KCNIP4: variants seen among roughly 807,000 people sequenced by gnomAD.
The protein encoded by KCNIP4 is Kv channel-interacting protein 4.
Under a neutral mutation model 34.0 loss-of-function variants are expected in KCNIP4, and 12 were observed. The observed-to-expected ratio is 0.35, with a 90% CI of 0.23 to 0.57. The LOEUF (loss-of-function observed/expected upper bound fraction) is 0.57, where lower values mean the gene tolerates loss of function less well. Among genes scored for constraint, KCNIP4 ranks in the 20% least tolerant of loss-of-function variants. The pLI, the probability that KCNIP4 is intolerant of heterozygous loss-of-function variation, is 0.83. For missense variants in KCNIP4, 238 were observed against 311.7 expected (o/e 0.76, Z 1.78); for synonymous variants, 124 against 102.2 (o/e 1.21, Z -1.29).
intron 1 of KCNIP4, among the ~76,000 whole-genome samples, chr4:21,683,255 A>G (rs990245688): frequency 1.4e-4 from 22 of 152,052 alleles, no homozygotes; most frequent in African/African-American, 5.1e-4. Flanking sequence ...AAATTATTAC[A>G]ATAAAAACAC....
intron 1 of KCNIP4, among the ~76,000 whole-genome samples, chr4:21,066,940 A>C (rs1744452037): frequency 6.6e-6 from 1 of 152,120 alleles, no homozygotes; most frequent in African/African-American, 2.4e-5. Flanking sequence ...GGATGCTTGC[A>C]CCAACCCTCC....
At chr4:21,217,087 T>C (rs1757641169) in intron 1 of KCNIP4, among the ~76,000 whole-genome samples, 1 of 152,164 alleles carries the variant, frequency 6.6e-6, no homozygotes, top group Non-Finnish European at 1.5e-5. Flanking sequence ...AGCTACGAAG[T>C]AGATGTTATT....
chr4:21,453,726 A>C (rs1006485059), intron 1 of KCNIP4, among the ~76,000 whole-genome samples: 1 of 152,094 alleles, frequency 6.6e-6, no homozygotes, highest in East Asian at 1.9e-4. Flanking sequence ...ATGCTGCCTT[A>C]TAGTGTTTGA....
chr4:21,011,813 C>T (rs1030791651), intron 1 of KCNIP4, among the ~76,000 whole-genome samples: 1 of 152,214 alleles, frequency 6.6e-6, no homozygotes. Context: ...TACTCTTACA[C>T]TATCCCCAGG....
chr4:21,835,993 T>C (rs1372421568), intron 1 of KCNIP4, among the ~76,000 whole-genome samples: 5 of 152,170 alleles, frequency 3.3e-5, no homozygotes, highest in Non-Finnish European at 7.4e-5. Flanking sequence ...ATATGGCTTA[T>C]GGGTACCAAC....
At chr4:21,874,929 T>C (rs1177601400) in intron 1 of KCNIP4, among the ~76,000 whole-genome samples, 1 of 152,156 alleles carries the variant, frequency 6.6e-6, no homozygotes, top group Admixed American at 6.5e-5. Flanking sequence ...AGGGTAGGAA[T>C]TGATGTGGTT....
chr4:20,739,303 C>T (rs1336231904), intron 5 of KCNIP4, among the ~76,000 whole-genome samples: 6 of 152,192 alleles, frequency 3.9e-5, no homozygotes, highest in African/African-American at 9.6e-5. Context: ...CCCTGACCCC[C>T]GAGTAGCATA....
intron 1 of KCNIP4, among the ~76,000 whole-genome samples, chr4:21,793,037 C>A (rs7696044): frequency 0.72 from 109,231 of 152,142 alleles, 43,327 homozygotes; most frequent in Non-Finnish European, 0.87. Context: ...ATTTTCCATT[C>A]CTGAGAAGCA....
At chr4:21,091,128 C>T (rs1746959443) in intron 1 of KCNIP4, among the ~76,000 whole-genome samples, 1 of 152,164 alleles carries the variant, frequency 6.6e-6, no homozygotes. Flanking sequence ...GAATACTGCT[C>T]ATGCATCATT....
chr4:21,271,979 T>A (rs948041783), intron 1 of KCNIP4, among the ~76,000 whole-genome samples: 3 of 152,168 alleles, frequency 2.0e-5, no homozygotes, highest in Non-Finnish European at 4.4e-5. Flanking sequence ...ACTGTATTTT[T>A]AAAAAATTGT....
intron 1 of KCNIP4, among the ~76,000 whole-genome samples, chr4:21,146,457 G>A (rs1752364384): frequency 6.6e-6 from 1 of 152,126 alleles, no homozygotes; most frequent in South Asian, 2.1e-4. Context: ...ACTGGCCAGA[G>A]CAGGAAGCTC....
In KCNIP4 at chr4:20,729,471, C is replaced by G. The variant is rs1468379037; in HGVS notation, c.*611G>C. ...GCATATGCTGATATCTGATAATAAA[C>G]TAATTTTTAAATGTTTAATAATTTT... On this transcript the variant is annotated 3_prime_UTR_variant, in exon 9 of 9. Transcript: ENST00000382152. The G allele has an allele frequency of 1.3e-5, 2 of 151,228 alleles. No individual in the cohort carries two copies. The highest frequency in any genetic ancestry group is 4.9e-5 in the African/African-American group (2 of 41,006). The allele number at this position is 151,228 out of a possible 1,614,324, so 9.4% of individuals were successfully genotyped here.
At chr4:21,357,173 G>A (rs555158507) in intron 1 of KCNIP4, among the ~76,000 whole-genome samples, 1 of 152,258 alleles carries the variant, frequency 6.6e-6, no homozygotes, top group African/African-American at 2.4e-5. Flanking sequence ...ATTCAAGATG[G>A]ATTGAAGACT....
intron 1 of KCNIP4, among the ~76,000 whole-genome samples, chr4:21,124,054 C>A (rs1280626713): frequency 4.2e-5 from 6 of 143,270 alleles, no homozygotes; most frequent in African/African-American, 1.6e-4. Context: ...AAAAAAAAAA[C>A]AACAAAAAAA....
At chr4:21,455,457 T>C (rs1192307250) in intron 1 of KCNIP4, among the ~76,000 whole-genome samples, 1 of 152,026 alleles carries the variant, frequency 6.6e-6, no homozygotes, top group Non-Finnish European at 1.5e-5. Context: ...GCAGAGGGCT[T>C]GGTTGTGATA....
chr4:21,199,588 C>T (rs1266376065), intron 1 of KCNIP4, among the ~76,000 whole-genome samples: 1 of 152,126 alleles, frequency 6.6e-6, no homozygotes, highest in Non-Finnish European at 1.5e-5. Flanking sequence ...TCCCATTTGT[C>T]AATTTTGGCT....
chr4:21,456,385 C>T (rs1291235031), intron 1 of KCNIP4, among the ~76,000 whole-genome samples: 1 of 147,894 alleles, frequency 6.8e-6, no homozygotes, highest in Non-Finnish European at 1.5e-5. Flanking sequence ...GGCAACTCTT[C>T]CTTGCTTGGC....
intron 1 of KCNIP4, among the ~76,000 whole-genome samples, chr4:21,380,555 G>A (rs207464381): frequency 6.6e-6 from 1 of 150,690 alleles, no homozygotes; most frequent in Non-Finnish European, 1.5e-5. Context: ...TTAATTTGAG[G>A]GATTTTTGAC....
intron 1 of KCNIP4, among the ~76,000 whole-genome samples, chr4:21,313,213 G>T (rs1055656740): frequency 6.6e-6 from 1 of 151,164 alleles, no homozygotes; most frequent in Non-Finnish European, 1.5e-5. Flanking sequence ...AATTTCAACA[G>T]ATTTTTAGCC....
Sources: allele counts gnomAD v4.1 joint callset (sites outside exome capture counted in the v4.1 genomes callset), GRCh38; gene constraint gnomAD v4.1.1; transcripts MANE v1.5; gene names NCBI Gene and HGNC (gene_info 2026-07-23, HGNC 2026-07-21).